The following OBP2A variants were observed in gnomAD, a reference collection of about 807,000 sequenced individuals.
OBP2A encodes odorant-binding protein 2a.
OBP2A carries 15 observed loss-of-function variants against 21.9 expected under a neutral mutation model. That is an observed-to-expected ratio of 0.69 (90% CI 0.46 to 1.06). The LOEUF (loss-of-function observed/expected upper bound fraction) is 1.06. Among genes scored for constraint, OBP2A ranks in the 50% least tolerant of loss-of-function variants. The pLI is 0.00. For synonymous variants in OBP2A, 86 were observed against 91.8 expected (o/e 0.94, Z 0.36); for missense variants, 192 against 220.1 (o/e 0.87, Z 0.81).
intron 2 of OBP2A, 110 bp from the exon 3 acceptor site, chr9:135,547,068 G>A (rs546014212): frequency 6.8e-6 from 10 of 1,467,396 alleles, no homozygotes; most frequent in African/African-American, 2.7e-5. Context: ...CGGTGGGGTG[G>A]GGGGGCAGTG....
chr9:135,547,346 C>T (rs559062577), intron 3 of OBP2A, 98 bp downstream of exon 3: 24 of 1,127,394 alleles, frequency 2.1e-5, no homozygotes, highest in Admixed American at 3.8e-5. Context: ...CTGCCAGGGT[C>T]CCAGCCCTGC....
Position 135,546,810 on chromosome 9 carries a change from G to A in OBP2A, c.105G>A (p.Val35=). The change falls in exon 2 of 7, where the codon GTG becomes GTA. Residue 35 remains valine (V), a synonymous_variant. Transcript: ENST00000371776. ...ITGTWYVKAM[V]VDKDFPEDRR... is the part of the protein sequence containing the mutation. ...GGACCTGGTACGTGAAGGCCATGGTGGTCGATAAGGACTTTCCGGAGGACA... is the reference window on the plus strand; with the variant it reads ...GGACCTGGTACGTGAAGGCCATGGTAGTCGATAAGGACTTTCCGGAGGACA... 6.2e-7 allele frequency: 1 copy of A among 1,613,022 alleles called. No individual in the cohort carries two copies. Among genetic ancestry groups the A allele is most frequent in the South Asian group, 1.1e-5 (1 of 90,944 alleles).
intron 4 of OBP2A, 50 bp downstream of exon 4, chr9:135,548,031 C>G: frequency 7.4e-7 from 1 of 1,354,120 alleles, no homozygotes. Flanking sequence ...TCTCTGCCTC[C>G]AGAAGCCAGT....
chr9:135,549,212 C>G, intron 5 of OBP2A, 96 bp from the exon 6 acceptor site: 1 of 1,075,806 alleles, frequency 9.3e-7, no homozygotes, highest in South Asian at 1.3e-5. Flanking sequence ...CTCTGGGCTG[C>G]GATGGGGTCT....
chr9:135,547,312 G>A, intron 3 of OBP2A, 64 bp downstream of exon 3: 1 of 1,553,156 alleles, frequency 6.4e-7, no homozygotes, highest in African/African-American at 1.4e-5. Flanking sequence ...CCCACTGCAG[G>A]TGGAGAGTGC....
rs751663618 is a variant in OBP2A at position 135,548,775 on chromosome 9, C to T, written c.456C>T (p.Leu152=). The part of the protein sequence containing the change: ...EFKKLVQHKG[L]SEEDIFMPLQ... ...AGAAATTGGTGCAGCACAAGGGACTCTCGGAGGAGGACATTTTCATGCCCC... is the reference window on the plus strand; with the variant it reads ...AGAAATTGGTGCAGCACAAGGGACTTTCGGAGGAGGACATTTTCATGCCCC... Residue 152 remains leucine, a synonymous_variant, in exon 5 of 7, where the codon CTC becomes CTT. Transcript: ENST00000371776. 3 of 1,614,054 alleles carry T rather than the reference C, an allele frequency of 1.9e-6. No individual in the cohort carries two copies. The Admixed American group carries it at 5.0e-5, about 27-fold the overall frequency.
In OBP2A at chr9:135,548,799, C is replaced by G. The variant is rs763273056; in HGVS notation, c.480C>G (p.Pro160=). ...KGLSEEDIFM[P]LQTGSCVLEH ...TCTCGGAGGAGGACATTTTCATGCCCCTGCAGACGGGTGAGGACGGCTGTG... is the reference window on the plus strand; with the variant it reads ...TCTCGGAGGAGGACATTTTCATGCCGCTGCAGACGGGTGAGGACGGCTGTG... Residue 160 remains proline, a synonymous_variant, in exon 5 of 7, where the codon CCC becomes CCG. Coordinates refer to ENST00000371776, the MANE Select transcript of OBP2A (RefSeq NM_014582.3). 2 of 1,613,690 alleles carry G rather than the reference C, an allele frequency of 1.2e-6. No individual in the cohort carries two copies. The highest frequency in any genetic ancestry group is 2.7e-5 in the African/African-American group (2 of 74,932).
chr9:135,547,006 G>A, intron 2 of OBP2A, 95 bp downstream of exon 2: 1 of 1,588,836 alleles, frequency 6.3e-7, no homozygotes, highest in Non-Finnish European at 8.6e-7. Flanking sequence ...TTCGGGTGTT[G>A]GGAAGAGTCA....
chr9:135,546,423 C>G (rs1214201694), intron 1 of OBP2A, among the ~76,000 whole-genome samples, 171 bp downstream of exon 1: 2 of 132,482 alleles, frequency 1.5e-5, no homozygotes, highest in Non-Finnish European at 3.3e-5. Context: ...GACACGGCCC[C>G]CCGAGGCCCA....
Position 135,546,813 on chromosome 9 carries a change from C to A in OBP2A, c.108C>A (p.Val36=). 8.1e-6 allele frequency: 13 copies of A among 1,612,944 alleles called. No homozygotes were observed. Among genetic ancestry groups the A allele is most frequent in the Non-Finnish European group, 1.1e-5 (13 of 1,179,410 alleles). The stretch of plus-strand genomic sequence containing the variant: ...CCTGGTACGTGAAGGCCATGGTGGT[C>A]GATAAGGACTTTCCGGAGGACAGGA... ...TGTWYVKAMV[V]DKDFPEDRRP... The change falls in exon 2 of 7, where the codon GTC becomes GTA. Residue 36 remains valine, a synonymous_variant. Transcript: ENST00000371776.
intron 5 of OBP2A, 139 bp from the exon 6 acceptor site, chr9:135,549,169 G>T (rs1204869723): frequency 4.5e-6 from 2 of 447,794 alleles, no homozygotes; most frequent in Non-Finnish European, 7.9e-6. Context: ...GGGGCTCCGC[G>T]CTCTGGGCTG....
chr9:135,548,535 G>A (rs1051868192), intron 4 of OBP2A, 173 bp from the exon 5 acceptor site: 1 of 855,402 alleles, frequency 1.2e-6, no homozygotes, highest in African/African-American at 1.7e-5. Flanking sequence ...CCCTTGCCTG[G>A]TGCTGGACAG....
In OBP2A at chr9:135,549,847, G is replaced by A. The variant is rs1409094952; in HGVS notation, c.*12G>A. 3.9e-6 allele frequency: 6 copies of A among 1,547,586 alleles called. No homozygotes were observed. Among genetic ancestry groups the A allele is most frequent in the East Asian group, 2.5e-5 (1 of 40,632 alleles). On this transcript the variant is annotated 3_prime_UTR_variant, in exon 7 of 7. Coordinates refer to ENST00000371776, the MANE Select transcript of OBP2A (RefSeq NM_014582.3). ...CTCTTCCCAGCACAGCAGCCCCCGG[G>A]TCTGCACCTCCAGAGCCCACCCTAC...
chr9:135,549,531 A>ACGG, intron 6 of OBP2A, 200 bp downstream of exon 6: 1 of 595,070 alleles, frequency 1.7e-6, no homozygotes, highest in Non-Finnish European at 2.9e-6. Flanking sequence ...CCATTCCTGC[A>ACGG]CCTGCCAGCC....
In OBP2A at chr9:135,547,970, G is replaced by C; in HGVS notation, c.377G>C (p.Gly126Ala). 6.2e-7 allele frequency: 1 copy of C among 1,608,212 alleles called. No individual in the cohort carries two copies. The highest frequency in any genetic ancestry group is 8.5e-7 in the Non-Finnish European group (1 of 1,177,008). Residue 126 changes from glycine (G) to alanine (A), a missense_variant, in exon 4 of 7, where the codon GGA becomes GCA. Physicochemically the swap from Gly to Ala is moderately conservative, Grantham distance 60. Coordinates refer to ENST00000371776, the MANE Select transcript of OBP2A (RefSeq NM_014582.3). ...CGCCGTGGGGGCCTGCGCTACATGG[G>C]AAAGCTTGTGGGTGAGGGGCCCGCT... is the stretch of plus-strand genomic sequence containing the variant. ...DQRRGGLRYM[G>A]KLVGRNPNTN...
At chr9:135,548,954 A>G (rs1832032906) in intron 5 of OBP2A, 145 bp downstream of exon 5, 1 of 992,928 alleles carries the variant, frequency 1.0e-6, no homozygotes, top group Non-Finnish European at 1.5e-6. Flanking sequence ...CCTGCTTAGC[A>G]TCCTCGTCGT....
chr9:135,547,882 AAGCTCATATACCTGCAGG>A lies in OBP2A; in HGVS notation c.294_311del (p.Ile99_Leu104del), dbSNP rs1478115734. On this transcript the variant is annotated inframe_deletion, in exon 4 of 7. Transcript: ENST00000371776. Reference sequence around the variant, plus strand: ...TCTGTCATCTACAGATGGGGGCAGGAAGCTCATATACCTGCAGGAGCTGCCCGGGACGGACGACTACGT... The same window carrying A: ...TCTGTCATCTACAGATGGGGGCAGGAAGCTGCCCGGGACGGACGACTACGT... The A allele has an allele frequency of 6.2e-7, 1 of 1,610,218 alleles. No individual in the cohort carries two copies. Among genetic ancestry groups the A allele is most frequent in the Non-Finnish European group, 8.5e-7 (1 of 1,178,330 alleles).
rs1311506307 is a variant in OBP2A, at chr9:135,548,068, C to T, written c.388+87C>T. On this transcript the variant is annotated intron_variant, in intron 4 of 6. Transcript: ENST00000371776. ...GAACCACCATCATCACGCCCTGGCA[C>T]GGGGGGAAAAGGAAGCCCCCTGCGC... 27 of 961,588 alleles carry T rather than the reference C, an allele frequency of 2.8e-5. No homozygotes were observed. In the East Asian group the frequency reaches 4.0e-4, roughly 14 times the overall value. 59.6% of individuals were successfully genotyped at this position (961,588 alleles called of 1,614,324 possible).
At position 135,548,657 on chromosome 9, in the gene OBP2A, AG is replaced by A. The variant is rs776420028; in HGVS notation, c.389-48del. 6.8e-6 allele frequency: 11 copies of A among 1,611,626 alleles called. No homozygotes were observed. The African/African-American group carries it at 1.3e-4, about 20-fold the overall frequency. ...TCTCCTTTTAGCATCTGCTCCCTGC[AG>A]GGCCGTGCCGCTGTCCCCACCTTGG... On this transcript the variant is annotated intron_variant, in intron 4 of 6. Transcript: ENST00000371776.
Sources: gnomAD v4.1 joint callset for allele counts (sites outside exome capture counted in the v4.1 genomes callset) on GRCh38, gnomAD v4.1.1 for gene constraint, MANE v1.5 for transcripts, NCBI Gene and HGNC (gene_info 2026-07-23, HGNC 2026-07-21) for gene names.